Variants in CNTNAP5 observed in about 807,000 individuals in gnomAD.
The protein encoded by CNTNAP5 is contactin-associated protein-like 5.
Under a neutral mutation model 150.2 loss-of-function variants are expected in CNTNAP5, and 72 were observed. That is an observed-to-expected ratio of 0.48 (90% CI 0.40 to 0.58). The LOEUF is 0.58. Ranked by LOEUF, CNTNAP5 falls within the 20% of genes least tolerant of loss-of-function variation. The pLI, the probability that CNTNAP5 is intolerant of heterozygous loss-of-function variation, is 0.00. For synonymous variants in CNTNAP5, 672 were observed against 619.8 expected (o/e 1.08, Z -1.25); for missense variants, 1,636 against 1,626.2 (o/e 1.01, Z -0.10).
At chr2:124,155,635 T>G (rs998844165) in intron 1 of CNTNAP5, among the ~76,000 whole-genome samples, 41 of 152,180 alleles carry the variant, frequency 2.7e-4, no homozygotes, top group African/African-American at 9.4e-4. Context: ...TTGGCTAATT[T>G]GTTTGAACAC....
At chr2:124,749,485 T>G (rs1029298715) in intron 14 of CNTNAP5, among the ~76,000 whole-genome samples, 8 of 151,950 alleles carry the variant, frequency 5.3e-5, no homozygotes, top group Non-Finnish European at 1.0e-4. Flanking sequence ...GGTGCAATGA[T>G]GCAATCTCTG....
At chr2:124,714,273 G>A (rs751410559) in intron 13 of CNTNAP5, among the ~76,000 whole-genome samples, 17 of 152,014 alleles carry the variant, frequency 1.1e-4, no homozygotes, top group Non-Finnish European at 2.2e-4. Context: ...GAAAAAATAC[G>A]CAGAATGACC....
chr2:124,569,906 T>G (rs1696113614), intron 11 of CNTNAP5, among the ~76,000 whole-genome samples: 1 of 152,348 alleles, frequency 6.6e-6, no homozygotes, highest in Middle Eastern at 3.4e-3. Context: ...GTCCTTTGAC[T>G]GCATGTAGTT....
At chr2:124,803,151 C>T (rs541102673) in intron 19 of CNTNAP5, among the ~76,000 whole-genome samples, 5 of 149,864 alleles carry the variant, frequency 3.3e-5, no homozygotes, top group African/African-American at 1.2e-4. Flanking sequence ...GGGACAGAAA[C>T]ATAGTTAAAA....
intron 6 of CNTNAP5, among the ~76,000 whole-genome samples, chr2:124,453,723 T>A (rs1214447412): frequency 6.6e-6 from 1 of 152,160 alleles, no homozygotes; most frequent in Non-Finnish European, 1.5e-5. Flanking sequence ...ATTGGGGCCT[T>A]ATCTTCAACT....
intron 13 of CNTNAP5, among the ~76,000 whole-genome samples, chr2:124,685,851 C>G (rs1679183812): frequency 6.6e-6 from 1 of 151,902 alleles, no homozygotes; most frequent in African/African-American, 2.4e-5. Flanking sequence ...ATGTAAGATT[C>G]AGAAGCCTCA....
At chr2:124,852,251 C>A (rs1375249485) in intron 19 of CNTNAP5, among the ~76,000 whole-genome samples, 1 of 152,096 alleles carries the variant, frequency 6.6e-6, no homozygotes, top group Non-Finnish European at 1.5e-5. Context: ...GCTTGAAAAA[C>A]AGTTAGATGG....
chr2:124,555,949 A>G (rs1695745472), intron 10 of CNTNAP5, among the ~76,000 whole-genome samples: 1 of 152,212 alleles, frequency 6.6e-6, no homozygotes, highest in African/African-American at 2.4e-5. Flanking sequence ...TTTATTTCAA[A>G]TTAATCCATT....
In CNTNAP5 at chr2:124,773,020, AGG is replaced by A; in HGVS notation, c.2752+6_2752+7del. On this transcript the variant is annotated splice_donor_5th_base_variant and intron_variant, in intron 17 of 23. Coordinates refer to ENST00000682447, the MANE Select transcript of CNTNAP5 (RefSeq NM_001367498.1). The stretch of plus-strand genomic sequence containing the variant: ...GCTGAACAGCCAGTTGTTTGTAGGT[AGG>A]GGACATCTTAAGGCTCCTTTTGTGC... 1 of 1,611,630 alleles carries A rather than the reference AGG, an allele frequency of 6.2e-7. No individual in the cohort carries two copies.
At chr2:124,677,406 C>G (rs1355139888) in intron 13 of CNTNAP5, among the ~76,000 whole-genome samples, 5 of 152,172 alleles carry the variant, frequency 3.3e-5, no homozygotes, top group Non-Finnish European at 7.4e-5. Flanking sequence ...CATTCCACAG[C>G]ATGGAAGGGG....
intron 12 of CNTNAP5, among the ~76,000 whole-genome samples, chr2:124,625,403 G>T (rs893698727): frequency 1.3e-5 from 2 of 152,088 alleles, no homozygotes; most frequent in African/African-American, 4.8e-5. Flanking sequence ...CCTATTCCCA[G>T]CAATGTTTAT....
chr2:124,565,025 A>G (rs919456008), intron 11 of CNTNAP5, among the ~76,000 whole-genome samples: 3 of 152,116 alleles, frequency 2.0e-5, no homozygotes, highest in Non-Finnish European at 4.4e-5. Context: ...AGCATGGTAG[A>G]TGCCAATAGG....
intron 3 of CNTNAP5, among the ~76,000 whole-genome samples, chr2:124,260,349 C>G (rs1687422495): frequency 6.6e-6 from 1 of 152,134 alleles, no homozygotes; most frequent in South Asian, 2.1e-4. Flanking sequence ...TTCCTTACAC[C>G]TTACACAAAA....
intron 3 of CNTNAP5, among the ~76,000 whole-genome samples, chr2:124,398,419 G>A (rs1447624342): frequency 6.6e-6 from 1 of 152,136 alleles, no homozygotes; most frequent in East Asian, 1.9e-4. Context: ...GGAAAGGAGA[G>A]AAAAAGCAGG....
chr2:124,032,933 A>G (rs1681103241), intron 1 of CNTNAP5, among the ~76,000 whole-genome samples: 1 of 152,186 alleles, frequency 6.6e-6, no homozygotes, highest in South Asian at 2.1e-4. Flanking sequence ...AGTGAGAACT[A>G]GTCATTAAGG....
At chr2:124,131,030 T>C (rs932056771) in intron 1 of CNTNAP5, among the ~76,000 whole-genome samples, 7 of 152,070 alleles carry the variant, frequency 4.6e-5, no homozygotes, top group African/African-American at 1.7e-4. Context: ...ATTTGTGGAG[T>C]TTGATTTTTC....
rs567570612 is a variant in CNTNAP5 at position 124,578,332 on chromosome 2, A to G, written c.1756+15009A>G. On this transcript the variant is annotated intron_variant, in intron 11 of 23. Coordinates refer to ENST00000682447, the MANE Select transcript of CNTNAP5 (RefSeq NM_001367498.1). ...GGGACAAGAGCGAGACTTTGTCTCA[A>G]AAAAAAAAAAAAAAAAGATGCTGAA... 2.9e-3 allele frequency among the ~76,000 whole-genome samples: 399 copies of G among 135,510 alleles called. 1 individual carries two copies. Among genetic ancestry groups the G allele is most frequent in the African/African-American group, 0.012 (372 of 31,664 alleles). 88.9% of individuals were successfully genotyped at this position (135,510 alleles called of 152,430 possible).
At chr2:124,334,454 A>T (rs1325021504) in intron 3 of CNTNAP5, among the ~76,000 whole-genome samples, 1 of 152,196 alleles carries the variant, frequency 6.6e-6, no homozygotes, top group East Asian at 1.9e-4. Context: ...AGAAAGACAG[A>T]GGAAACAGTG....
At chr2:124,494,035 G>C (rs1268664180) in intron 7 of CNTNAP5, among the ~76,000 whole-genome samples, 3 of 146,134 alleles carry the variant, frequency 2.1e-5, no homozygotes, top group Non-Finnish European at 4.5e-5. Context: ...TGTTAGTAAG[G>C]GTTCCCTAGA....
Sources: gnomAD v4.1 joint callset for allele counts (sites outside exome capture counted in the v4.1 genomes callset) on GRCh38, gnomAD v4.1.1 for gene constraint, MANE v1.5 for transcripts, NCBI Gene and HGNC (gene_info 2026-07-23, HGNC 2026-07-21) for gene names.